The following ARHGAP42 variants were observed in gnomAD, a reference collection of about 807,000 sequenced individuals.
ARHGAP42 encodes the protein rho GTPase-activating protein 42.
Under a neutral mutation model 125.0 loss-of-function variants are expected in ARHGAP42, and 63 were observed. That is an observed-to-expected ratio of 0.50 (90% CI 0.41 to 0.62). The LOEUF is 0.62. Among genes scored for constraint, ARHGAP42 ranks in the 20% least tolerant of loss-of-function variants. ARHGAP42 has a pLI of 0.00. For synonymous variants in ARHGAP42, 339 were observed against 351.0 expected, an observed-to-expected ratio of 0.97 and a Z score of 0.38; for missense variants, 766 against 1,024.2, an observed-to-expected ratio of 0.75 and a Z score of 3.44.
At chr11:100,964,293 G>A (rs1210384997) in intron 16 of ARHGAP42, among the ~76,000 whole-genome samples, 1 of 152,146 alleles carries the variant, frequency 6.6e-6, no homozygotes, top group African/African-American at 2.4e-5. Flanking sequence ...CTTTCTGGAG[G>A]ATCTCTCATC....
At chr11:100,933,022 C>T (rs1185098079) in intron 6 of ARHGAP42, 134 bp from the exon 7 acceptor site, 1 of 579,660 alleles carries the variant, frequency 1.7e-6, no homozygotes, top group Non-Finnish European at 2.9e-6. Flanking sequence ...AAATCTATTG[C>T]CTGCCTTGCC....
At chr11:100,931,604 G>C (rs1867584178) in intron 6 of ARHGAP42, among the ~76,000 whole-genome samples, 1 of 152,172 alleles carries the variant, frequency 6.6e-6, no homozygotes. Flanking sequence ...AGTTTGTAAT[G>C]AGACAGTTTA....
intron 3 of ARHGAP42, among the ~76,000 whole-genome samples, chr11:100,827,002 C>CTTTTTTTTT (rs869260353): frequency 2.8e-4 from 23 of 80,886 alleles, no homozygotes; most frequent in Non-Finnish European, 4.3e-4. Context: ...GCCTTACATC[C>CTTTTTTTTT]TTTTTTTTTT....
At chr11:100,887,160 A>G (rs1866110925) in intron 4 of ARHGAP42, among the ~76,000 whole-genome samples, 1 of 152,218 alleles carries the variant, frequency 6.6e-6, no homozygotes, top group Non-Finnish European at 1.5e-5. Flanking sequence ...TTTATGTTCA[A>G]TGCATTTCCA....
rs547309090 is a variant in ARHGAP42, at chr11:100,789,500, T to A, written c.251-5605T>A. On this transcript the variant is annotated intron_variant, in intron 2 of 23. Coordinates refer to ENST00000298815, the MANE Select transcript of ARHGAP42 (RefSeq NM_152432.4). ...TCTCTGGGCATGAGTGAGCTGTGGG[T>A]GCAAGCAAGCCATGGGTGCAGTCAA... Among the ~76,000 whole-genome samples the A allele has an allele frequency of 2.6e-5, 4 of 152,280 alleles. No homozygotes were observed. The East Asian group carries it at 7.7e-4, about 29-fold the overall frequency.
At chr11:100,884,735 C>A (rs1220013589) in intron 4 of ARHGAP42, among the ~76,000 whole-genome samples, 1 of 152,050 alleles carries the variant, frequency 6.6e-6, no homozygotes, top group Non-Finnish European at 1.5e-5. Context: ...TCTTTTATTT[C>A]TTTATGATTT....
At chr11:100,909,019 T>A (rs1866833030) in intron 4 of ARHGAP42, among the ~76,000 whole-genome samples, 2 of 152,178 alleles carry the variant, frequency 1.3e-5, no homozygotes, top group Non-Finnish European at 2.9e-5. Context: ...TGTTAGCTGC[T>A]TGTGTGTCTT....
chr11:100,941,072 A>G (rs1867872512), intron 8 of ARHGAP42, among the ~76,000 whole-genome samples: 1 of 152,180 alleles, frequency 6.6e-6, no homozygotes, highest in Non-Finnish European at 1.5e-5. Context: ...GACATTTAGG[A>G]AAAGGCCTGA....
intron 4 of ARHGAP42, among the ~76,000 whole-genome samples, chr11:100,881,613 G>A (rs1289489137): frequency 6.6e-6 from 1 of 152,130 alleles, no homozygotes; most frequent in Non-Finnish European, 1.5e-5. Flanking sequence ...GTTATGTGAA[G>A]AATGATGGTG....
chr11:100,986,005 C>G (rs555047629), intron 22 of ARHGAP42: 1 of 456,384 alleles, frequency 2.2e-6, no homozygotes, highest in Admixed American at 2.3e-5. Flanking sequence ...TGCCCTGAAT[C>G]TTTAAAAAGA....
intron 3 of ARHGAP42, among the ~76,000 whole-genome samples, chr11:100,818,304 T>A (rs913402911): frequency 2.6e-5 from 4 of 151,832 alleles, no homozygotes; most frequent in African/African-American, 9.7e-5. Context: ...TAGATACGAT[T>A]GACAAATGTG....
chr11:100,778,765 G>A (rs1178007599), intron 2 of ARHGAP42, among the ~76,000 whole-genome samples: 1 of 152,146 alleles, frequency 6.6e-6, no homozygotes, highest in Non-Finnish European at 1.5e-5. Context: ...AAAAGCTTAG[G>A]TGTTTCATAT....
At chr11:100,921,936 G>A (rs903921916) in intron 6 of ARHGAP42, among the ~76,000 whole-genome samples, 1 of 151,786 alleles carries the variant, frequency 6.6e-6, no homozygotes, top group Non-Finnish European at 1.5e-5. Flanking sequence ...ATGTACCACA[G>A]AAATGCAAGA....
At chr11:100,897,275 A>C (rs1008698544) in intron 4 of ARHGAP42, among the ~76,000 whole-genome samples, 2 of 152,172 alleles carry the variant, frequency 1.3e-5, no homozygotes, top group African/African-American at 4.8e-5. Context: ...AGGTAGCATG[A>C]TGCCTCCAGC....
intron 17 of ARHGAP42, among the ~76,000 whole-genome samples, chr11:100,970,815 G>A (rs530293459): frequency 1.3e-5 from 2 of 152,168 alleles, no homozygotes; most frequent in South Asian, 4.1e-4. Flanking sequence ...CTGCACCTCA[G>A]GTAAAGCCAT....
At chr11:100,765,316 C>G (rs1565204484) in intron 1 of ARHGAP42, among the ~76,000 whole-genome samples, 1 of 152,160 alleles carries the variant, frequency 6.6e-6, no homozygotes. Flanking sequence ...ACTGATGTGC[C>G]TTTTTATTTG....
chr11:100,985,694 A>G (rs1039193592), intron 22 of ARHGAP42, among the ~76,000 whole-genome samples: 1 of 152,200 alleles, frequency 6.6e-6, no homozygotes, highest in Non-Finnish European at 1.5e-5. Flanking sequence ...GGTCATTCCC[A>G]AATCTGCCCC....
intron 2 of ARHGAP42, among the ~76,000 whole-genome samples, chr11:100,780,307 T>A (rs1268892118): frequency 1.3e-5 from 2 of 152,168 alleles, no homozygotes; most frequent in African/African-American, 4.8e-5. Flanking sequence ...CTTTTATCTA[T>A]GGTTAGTAAA....
chr11:100,793,307 A>G (rs1395540462), intron 2 of ARHGAP42, among the ~76,000 whole-genome samples: 2 of 152,220 alleles, frequency 1.3e-5, no homozygotes, highest in African/African-American at 4.8e-5. Context: ...TATTCTTTCT[A>G]TTTATATAAT....
Sources: allele counts gnomAD v4.1 joint callset (sites outside exome capture counted in the v4.1 genomes callset), GRCh38; gene constraint gnomAD v4.1.1; transcripts MANE v1.5; gene names NCBI Gene and HGNC (gene_info 2026-07-23, HGNC 2026-07-21).